SPMIP1: variants seen among roughly 807,000 people sequenced by gnomAD.
The protein encoded by SPMIP1 is sperm microtubule inner protein 1, also known as protein SPMIP1.
chr7:128,868,519 C>T, the SPMIP1 span: 1 of 551,022 alleles, frequency 1.8e-6, no homozygotes, highest in South Asian at 2.6e-5. Context: ...CCCATAGCTC[C>T]CATTCCTCCA....
chr7:128,871,237 C>G, the SPMIP1 span: 4 of 152,284 alleles, frequency 2.6e-5, no homozygotes, highest in Non-Finnish European at 5.9e-5. Flanking sequence ...CAAGGCAGAC[C>G]ACTCCAGAGG....
At chr7:128,868,423 C>T in the SPMIP1 span, among the ~76,000 whole-genome samples, 1 of 152,234 alleles carries the variant, frequency 6.6e-6, no homozygotes, top group East Asian at 1.9e-4. Flanking sequence ...GGTGGCCCCC[C>T]TCCCTGCAGG....
the SPMIP1 span, chr7:128,866,595 C>G: frequency 1.3e-6 from 2 of 1,518,464 alleles, no homozygotes; most frequent in Non-Finnish European, 8.8e-7. Flanking sequence ...AAGCCCCACT[C>G]TCACCCCCAC....
the SPMIP1 span, chr7:128,871,393 G>C: frequency 3.9e-5 from 6 of 152,158 alleles, no homozygotes; most frequent in Admixed American, 6.5e-5. Flanking sequence ...ACCCGCTCTG[G>C]GCGTCTTACT....
the SPMIP1 span, chr7:128,866,653 G>A: frequency 1.3e-6 from 2 of 1,535,398 alleles, no homozygotes. Flanking sequence ...TGTCCCAGAG[G>A]CGCCTTTTCA....
the SPMIP1 span, chr7:128,871,625 G>A: frequency 6.6e-6 from 1 of 152,218 alleles, no homozygotes; most frequent in Non-Finnish European, 1.5e-5. Flanking sequence ...AGTTAAAAGG[G>A]ATTTCATAAG....
At chr7:128,866,654 C>T in the SPMIP1 span, 80 of 1,524,736 alleles carry the variant, frequency 5.2e-5, no homozygotes, top group Non-Finnish European at 6.3e-5. Flanking sequence ...GTCCCAGAGG[C>T]GCCTTTTCAG....
the SPMIP1 span, chr7:128,866,532 G>C: frequency 6.5e-7 from 1 of 1,535,934 alleles, no homozygotes; most frequent in Non-Finnish European, 8.7e-7. Flanking sequence ...AGGCCAAGCA[G>C]AAGGCTAAGG....
At chr7:128,866,960 A>T in the SPMIP1 span, 2 of 929,238 alleles carry the variant, frequency 2.2e-6, no homozygotes, top group Non-Finnish European at 1.6e-6. Context: ...GACACGTTCC[A>T]CAGAACTAGG....
chr7:128,866,891 G>C, the SPMIP1 span: 2 of 1,447,156 alleles, frequency 1.4e-6, no homozygotes, highest in Non-Finnish European at 1.8e-6. Context: ...GCTAGGGAGT[G>C]GGCATCCTGG....
chr7:128,868,684 A>C, the SPMIP1 span: 102 of 1,535,476 alleles, frequency 6.6e-5, 1 homozygote, highest in South Asian at 1.2e-3. Context: ...GTGAAGCAAG[A>C]ACTGGTCTCC....
the SPMIP1 span, chr7:128,868,623 C>T: frequency 7.5e-7 from 1 of 1,334,640 alleles, no homozygotes; most frequent in South Asian, 1.3e-5. Flanking sequence ...CTGCGTGTCC[C>T]TCCCTCAGGA....
chr7:128,866,346 A>C, the SPMIP1 span: 16 of 1,328,242 alleles, frequency 1.2e-5, no homozygotes, highest in African/African-American at 2.0e-4. Flanking sequence ...CGTCAGAAGC[A>C]CTCTGCTTGC....
the SPMIP1 span, chr7:128,866,697 A>C: frequency 6.5e-7 from 1 of 1,533,690 alleles, no homozygotes; most frequent in East Asian, 2.5e-5. Flanking sequence ...CTATCACCCG[A>C]GCCCTGCTGT....
At chr7:128,871,130 T>C in the SPMIP1 span, 10 of 152,328 alleles carry the variant, frequency 6.6e-5, no homozygotes, top group Middle Eastern at 3.4e-3. Flanking sequence ...GAGGGCGCTG[T>C]CTGAACCTCA....
At chr7:128,866,769 C>T in the SPMIP1 span, 1 of 1,536,006 alleles carries the variant, frequency 6.5e-7, no homozygotes, top group East Asian at 2.4e-5. Context: ...GAAAACTGGA[C>T]ATGCCAGAGA....
the SPMIP1 span, chr7:128,870,721 C>G: frequency 1.3e-5 from 2 of 152,258 alleles, no homozygotes; most frequent in African/African-American, 4.8e-5. Context: ...TCTCTTCCCT[C>G]TGGGCCAGGT....
chr7:128,871,623 G>C, the SPMIP1 span: 5 of 152,208 alleles, frequency 3.3e-5, no homozygotes, highest in African/African-American at 1.2e-4. Flanking sequence ...CCAGTTAAAA[G>C]GGATTTCATA....
At chr7:128,869,899 C>T in the SPMIP1 span, 15 of 151,646 alleles carry the variant, frequency 9.9e-5, no homozygotes, top group African/African-American at 2.7e-4. Flanking sequence ...CCGTGCGGAT[C>T]GCGCTCCAGG....
Sources: allele counts gnomAD v4.1 joint callset (sites outside exome capture counted in the v4.1 genomes callset), GRCh38; gene constraint gnomAD v4.1.1; transcripts MANE v1.5; gene names NCBI Gene and HGNC (gene_info 2026-07-23, HGNC 2026-07-21).